NIPBL: variants seen among roughly 807,000 people sequenced by gnomAD.
The protein encoded by NIPBL is nipped-B-like protein.
NIPBL carries 19 observed loss-of-function variants against 321.8 expected under a neutral mutation model. The ratio of observed to expected loss-of-function variants is 0.06; its 90% CI spans 0.04 to 0.09. NIPBL has a LOEUF of 0.09. NIPBL is among the 10% of genes least tolerant of loss of function. NIPBL has a pLI of 1.00. For synonymous variants in NIPBL, 1,106 were observed against 1,114.1 expected (o/e 0.99, Z 0.14); for missense variants, 2,210 against 3,327.0 (o/e 0.66, Z 8.26).
chr5:37,019,287 GTTC>G (rs1561167620), intron 24 of NIPBL, 21 bp from the exon 25 acceptor site: 2 of 1,473,132 alleles, frequency 1.4e-6, no homozygotes, highest in South Asian at 1.1e-5. Context: ...TATCTTTTTT[GTTC>G]TTATTTGGTT....
chr5:36,962,358 A>G lies in NIPBL; in HGVS notation c.610+84A>G, dbSNP rs1244113482. 2.2e-6 allele frequency: 3 copies of G among 1,379,644 alleles called. No homozygotes were observed. The East Asian group carries it at 7.0e-5, about 32-fold the overall frequency. 85.5% of individuals were successfully genotyped at this position (1,379,644 alleles called of 1,614,324 possible). ...TTTGTTTTTTAAAATATAATTATTA[A>G]ACACAAACTAAAATACTATACTGTA... On this transcript the variant is annotated intron_variant, in intron 6 of 46. Transcript: ENST00000282516.
At chr5:36,930,289 T>G (rs1749682905) in intron 1 of NIPBL, among the ~76,000 whole-genome samples, 1 of 152,104 alleles carries the variant, frequency 6.6e-6, no homozygotes, top group African/African-American at 2.4e-5. Context: ...TTTTAAAAAT[T>G]TATTCCCAAA....
At chr5:36,941,496 G>A (rs1459774147) in intron 1 of NIPBL, among the ~76,000 whole-genome samples, 1 of 144,598 alleles carries the variant, frequency 6.9e-6, no homozygotes, top group Non-Finnish European at 1.5e-5. Context: ...ATCCTAAGAC[G>A]TTCAAAACCC....
At chr5:36,979,209 C>T (rs1743863359) in intron 9 of NIPBL, among the ~76,000 whole-genome samples, 1 of 151,892 alleles carries the variant, frequency 6.6e-6, no homozygotes, top group Non-Finnish European at 1.5e-5. Context: ...ATTGATTCTT[C>T]CTATCCATGA....
chr5:37,044,212 A>G, intron 34 of NIPBL, 135 bp from the exon 35 acceptor site: 1 of 762,400 alleles, frequency 1.3e-6, no homozygotes, highest in Non-Finnish European at 2.1e-6. Context: ...TTGAAAAAAA[A>G]ACTCTAACAG....
intron 31 of NIPBL, among the ~76,000 whole-genome samples, chr5:37,026,889 CAA>C (rs1289912717): frequency 7.2e-6 from 1 of 138,706 alleles, no homozygotes; most frequent in Non-Finnish European, 1.5e-5. Context: ...CCAGCCTGGG[CAA>C]TATAATAGCA....
chr5:36,952,827 A>T (rs1296160081), intron 1 of NIPBL, among the ~76,000 whole-genome samples: 3 of 152,228 alleles, frequency 2.0e-5, no homozygotes, highest in Non-Finnish European at 4.4e-5. Flanking sequence ...CATGAACATT[A>T]AGTAATCGTG....
intron 32 of NIPBL, among the ~76,000 whole-genome samples, chr5:37,033,735 T>A (rs1280655363): frequency 1.3e-3 from 156 of 121,990 alleles, no homozygotes; most frequent in African/African-American, 4.5e-3. Context: ...TATATATTTT[T>A]TTTTTTTTTT....
intron 34 of NIPBL, among the ~76,000 whole-genome samples, chr5:37,043,148 T>C (rs559291322): frequency 1.6e-3 from 250 of 152,118 alleles, no homozygotes; most frequent in African/African-American, 5.5e-3. Flanking sequence ...GTAATCCCAG[T>C]ACTTTGGGTG....
chr5:37,016,321 T>A (rs923324785), intron 23 of NIPBL, 151 bp downstream of exon 23: 15 of 827,126 alleles, frequency 1.8e-5, no homozygotes, highest in Admixed American at 1.2e-4. Flanking sequence ...TACACAATAT[T>A]GTCAGTACCT....
chr5:36,986,066 G>A lies in NIPBL; in HGVS notation c.2886G>A (p.Lys962=). The A allele has an allele frequency of 6.2e-7, 1 of 1,613,976 alleles. No individual in the cohort carries two copies. The highest frequency in any genetic ancestry group is 8.5e-7 in the Non-Finnish European group (1 of 1,179,946). The change falls in exon 10 of 47, where the codon AAG becomes AAA. Residue 962 remains lysine, a synonymous_variant. Coordinates refer to ENST00000282516, the MANE Select transcript of NIPBL (RefSeq NM_133433.4). ...AAAATTTTGTCATTCCGAAAATCAA[G>A]AGGGATAAAGATGGCAATGTTACTC... ...ALKNFVIPKI[K]RDKDGNVTQE... is the part of the protein sequence containing the mutation.
At chr5:36,932,778 G>GTTT (rs35264312) in intron 1 of NIPBL, among the ~76,000 whole-genome samples, 6,757 of 69,748 alleles carry the variant, frequency 0.097, 400 homozygotes, top group Non-Finnish European at 0.11. Flanking sequence ...TTCCTCTGCT[G>GTTT]TTTTTTTTTT....
intron 44 of NIPBL, among the ~76,000 whole-genome samples, 171 bp from the exon 45 acceptor site, chr5:37,060,673 G>A (rs748582234): frequency 6.6e-6 from 1 of 152,182 alleles, no homozygotes; most frequent in Non-Finnish European, 1.5e-5. Context: ...AGGTAAACCA[G>A]TTAGGTGGTA....
At position 37,014,692 on chromosome 5, in the gene NIPBL, G is replaced by A. The variant is rs767975743; in HGVS notation, c.4570G>A (p.Asp1524Asn). ...EEDSNKKIDQ[D>N]VVITNSYETA... is the part of the protein sequence containing the mutation. ...CTTTTTTTCATTCTAGATTGACCAG[G>A]ATGTTGTCATTACTAACTCTTATGA... The change falls in exon 22 of 47, where the codon GAT becomes AAT. Residue 1524 changes from aspartate (D) to asparagine (N), a missense_variant. By Grantham distance (23) the Asp-to-Asn change is conservative. This residue lies in a region of NIPBL where 381 missense variants were observed against 642.3 expected (regional missense o/e 0.59). Transcript: ENST00000282516. The A allele has an allele frequency of 1.9e-6, 3 of 1,600,528 alleles. No homozygotes were observed. The highest frequency in any genetic ancestry group is 1.3e-5 in the African/African-American group (1 of 74,690).
At chr5:36,962,426 A>C in intron 6 of NIPBL, 152 bp downstream of exon 6, 1 of 856,866 alleles carries the variant, frequency 1.2e-6, no homozygotes, top group Admixed American at 2.1e-5. Context: ...TTAAATCATT[A>C]AAACAATGTT....
chr5:36,944,032 T>C (rs1739396226), intron 1 of NIPBL, among the ~76,000 whole-genome samples: 1 of 151,986 alleles, frequency 6.6e-6, no homozygotes, highest in Admixed American at 6.6e-5. Context: ...TAGGGATGAA[T>C]ATAAACAACT....
At chr5:36,987,699 G>A (rs145824072) in intron 10 of NIPBL, among the ~76,000 whole-genome samples, 2 of 152,084 alleles carry the variant, frequency 1.3e-5, no homozygotes, top group African/African-American at 2.4e-5. Context: ...CTTCTGAGTC[G>A]CTAATATTTG....
intron 14 of NIPBL, 27 bp from the exon 15 acceptor site, chr5:37,002,635 T>G: frequency 7.2e-7 from 1 of 1,394,920 alleles, no homozygotes; most frequent in Non-Finnish European, 1.0e-6. Context: ...TAAACTTTGT[T>G]TGTGTTTGTT....
intron 21 of NIPBL, among the ~76,000 whole-genome samples, chr5:37,012,567 A>G (rs1451527626): frequency 6.6e-6 from 1 of 151,422 alleles, no homozygotes; most frequent in Non-Finnish European, 1.5e-5. Context: ...TAAACAAGTG[A>G]ACAAAGGTCT....
Sources: allele counts gnomAD v4.1 joint callset (sites outside exome capture counted in the v4.1 genomes callset), GRCh38; gene constraint gnomAD v4.1.1; regional missense constraint gnomAD v4.1.1; transcripts MANE v1.5; gene names NCBI Gene and HGNC (gene_info 2026-07-23, HGNC 2026-07-21).